The following SS18L1 variants were observed in gnomAD, a reference collection of about 807,000 sequenced individuals.
The protein encoded by SS18L1 is calcium-responsive transactivator.
A neutral mutation model predicts 70.3 loss-of-function variants in SS18L1; 32 were observed. The ratio of observed to expected loss-of-function variants is 0.46; its 90% CI spans 0.34 to 0.61. SS18L1 has a LOEUF of 0.61. Ranked by LOEUF, SS18L1 falls within the 20% of genes least tolerant of loss-of-function variation. The pLI is 0.01. For synonymous variants in SS18L1, 237 were observed against 229.7 expected (o/e 1.03, Z -0.29); for missense variants, 430 against 542.1 (o/e 0.79, Z 2.05).
chr20:62,169,031 G>A (rs1337160690), intron 8 of SS18L1, among the ~76,000 whole-genome samples: 2 of 152,150 alleles, frequency 1.3e-5, no homozygotes, highest in Non-Finnish European at 2.9e-5. Flanking sequence ...GGTCACTTGT[G>A]CTGGGCAGGA....
intron 1 of SS18L1, 103 bp downstream of exon 1, chr20:62,143,992 G>C (rs1426509616): frequency 1.3e-6 from 1 of 760,646 alleles, no homozygotes; most frequent in Non-Finnish European, 1.6e-6. Context: ...GAACAAAGCC[G>C]GGGCGCAGCC....
At position 62,158,300 on chromosome 20, in the gene SS18L1, C is replaced by T. The variant is rs1178156465; in HGVS notation, c.70-372C>T. 2.0e-5 allele frequency among the ~76,000 whole-genome samples: 3 copies of T among 151,730 alleles called. No homozygotes were observed. Among genetic ancestry groups the T allele is most frequent in the Admixed American group, 2.0e-4 (3 of 15,186 alleles). On this transcript the variant is annotated intron_variant, in intron 1 of 10. Transcript: ENST00000331758. This position sits in a 1 kb window ranked among gnomAD's most constrained non-coding sequence, Gnocchi z 4.5. ...CCGCTTACGGATGAAGTCCCCAGCA[C>T]AGGGAGGTGTGAATGTTCGGTCTGT...
chr20:62,158,613 C>G lies in SS18L1; in HGVS notation c.70-59C>G, dbSNP rs933341450. On this transcript the variant is annotated intron_variant, in intron 1 of 10. Coordinates refer to ENST00000331758, the MANE Select transcript of SS18L1 (RefSeq NM_198935.3). This position sits in a 1 kb window ranked among gnomAD's most constrained non-coding sequence, Gnocchi z 4.5. Reference sequence around the variant, plus strand: ...AACTAGATGTGTAGCGATGGCTGTTCATCCCGAGGGTCAGCGACAGCCCCG... The same window carrying G: ...AACTAGATGTGTAGCGATGGCTGTTGATCCCGAGGGTCAGCGACAGCCCCG... The G allele has an allele frequency of 6.3e-7, 1 of 1,590,306 alleles. No homozygotes were observed. Among genetic ancestry groups the G allele is most frequent in the Non-Finnish European group, 8.5e-7 (1 of 1,170,906 alleles).
intron 10 of SS18L1, among the ~76,000 whole-genome samples, chr20:62,178,869 A>C (rs545096820): frequency 6.6e-6 from 1 of 152,168 alleles, no homozygotes; most frequent in Non-Finnish European, 1.5e-5. Context: ...ATTGGCTCCC[A>C]GTGGGGCCAG....
intron 10 of SS18L1, among the ~76,000 whole-genome samples, chr20:62,177,162 C>T (rs2057633532): frequency 6.6e-6 from 1 of 152,146 alleles, no homozygotes; most frequent in Non-Finnish European, 1.5e-5. Context: ...CTGTGGCTCA[C>T]GCCTATAGCA....
intron 8 of SS18L1, among the ~76,000 whole-genome samples, chr20:62,169,298 C>A (rs573964571): frequency 6.6e-6 from 1 of 152,326 alleles, no homozygotes; most frequent in South Asian, 2.1e-4. Flanking sequence ...ACACTCACAC[C>A]GTCAGCCAAT....
At chr20:62,171,482 G>A (rs962003749) in intron 8 of SS18L1, among the ~76,000 whole-genome samples, 1 of 152,210 alleles carries the variant, frequency 6.6e-6, no homozygotes, top group African/African-American at 2.4e-5. Context: ...AAAGGCTCAA[G>A]TAAGTTTTTC....
intron 8 of SS18L1, among the ~76,000 whole-genome samples, chr20:62,169,772 TC>T (rs1436013447): frequency 1.4e-5 from 2 of 148,106 alleles, no homozygotes; most frequent in East Asian, 4.0e-4. Context: ...AAAGCGAGAC[TC>T]CATCTCCAAA....
chr20:62,155,339 G>A (rs186685775), intron 1 of SS18L1, among the ~76,000 whole-genome samples: 7 of 152,336 alleles, frequency 4.6e-5, no homozygotes, highest in Admixed American at 6.5e-5. Flanking sequence ...CTTGAGCCTG[G>A]GAGGTGGAGG....
At chr20:62,170,358 T>C (rs554510181) in intron 8 of SS18L1, among the ~76,000 whole-genome samples, 4 of 152,138 alleles carry the variant, frequency 2.6e-5, no homozygotes, top group Middle Eastern at 3.4e-3. Context: ...AGAAAAAAAT[T>C]AGCTGGGCGT....
chr20:62,169,397 C>T (rs2057490358), intron 8 of SS18L1, among the ~76,000 whole-genome samples: 1 of 152,220 alleles, frequency 6.6e-6, no homozygotes. Flanking sequence ...TGGAAGCGGC[C>T]ACCTTCCCAG....
chr20:62,179,232 C>T lies in SS18L1; in HGVS notation c.*24C>T, dbSNP rs373268527. ...AAGGGACACACATTCTGGCTGGAGC[C>T]CTTGTGGTAGCGTGTTCATCCAGGG... On this transcript the variant is annotated 3_prime_UTR_variant, in exon 11 of 11. Coordinates refer to ENST00000331758, the MANE Select transcript of SS18L1 (RefSeq NM_198935.3). 5 of 1,614,002 alleles carry T rather than the reference C, an allele frequency of 3.1e-6. No homozygotes were observed. Among genetic ancestry groups the T allele is most frequent in the Non-Finnish European group, 4.2e-6 (5 of 1,180,014 alleles).
chr20:62,148,438 G>A (rs2057071783), intron 1 of SS18L1, among the ~76,000 whole-genome samples: 2 of 149,232 alleles, frequency 1.3e-5, no homozygotes, highest in South Asian at 4.4e-4. Flanking sequence ...GGTGAGGGAG[G>A]CTTGGCCTCC....
chr20:62,160,689 T>C (rs2057313735), intron 3 of SS18L1, among the ~76,000 whole-genome samples: 1 of 152,184 alleles, frequency 6.6e-6, no homozygotes, highest in African/African-American at 2.4e-5. Flanking sequence ...GAATGACGTA[T>C]CTCCTAGTGA....
chr20:62,167,048 T>TTG (rs1367317382), intron 8 of SS18L1, among the ~76,000 whole-genome samples: 61 of 133,476 alleles, frequency 4.6e-4, no homozygotes, highest in Non-Finnish European at 7.1e-4. Context: ...GTTTGTTTTT[T>TTG]TTTTTTTTTT....
At chr20:62,175,381 G>T in intron 10 of SS18L1, 1 of 985,434 alleles carries the variant, frequency 1.0e-6, no homozygotes, top group Non-Finnish European at 1.2e-6. Context: ...CCCTGGAGGA[G>T]GACAGGGTCT....
At chr20:62,173,888 C>G (rs904299239) in intron 9 of SS18L1, among the ~76,000 whole-genome samples, 1 of 151,710 alleles carries the variant, frequency 6.6e-6, no homozygotes, top group Admixed American at 6.6e-5. Context: ...GTGGCACACT[C>G]CTGTGGTCCC....
At chr20:62,177,395 G>A (rs6142975) in intron 10 of SS18L1, among the ~76,000 whole-genome samples, 11,075 of 152,184 alleles carry the variant, frequency 0.073, 495 homozygotes, top group South Asian at 0.2. Flanking sequence ...TTACCCAATG[G>A]TGCAGGAGCA....
Position 62,161,285 on chromosome 20 carries a change from C to T in SS18L1, c.232-151C>T. The T allele has an allele frequency of 9.3e-7, 1 of 1,077,718 alleles. No homozygotes were observed. Among genetic ancestry groups the T allele is most frequent in the East Asian group, 2.5e-5 (1 of 39,584 alleles). 66.8% of individuals were successfully genotyped at this position (1,077,718 alleles called of 1,614,324 possible). On this transcript the variant is annotated intron_variant, in intron 3 of 10. Coordinates refer to ENST00000331758, the MANE Select transcript of SS18L1 (RefSeq NM_198935.3). This position sits in a 1 kb window ranked among gnomAD's most constrained non-coding sequence, Gnocchi z 4.4. ...GGCCTGGTGCTCTGCGGTCACCTGG[C>T]TGTGACGATGGCTGCTGATTACGAA... is the stretch of plus-strand genomic sequence containing the variant.
Sources: allele counts gnomAD v4.1 joint callset (sites outside exome capture counted in the v4.1 genomes callset), GRCh38; gene constraint gnomAD v4.1.1; non-coding constraint Gnocchi (gnomAD v3.1); transcripts MANE v1.5; gene names NCBI Gene and HGNC (gene_info 2026-07-23, HGNC 2026-07-21).